The following NUDT2 variants were observed in gnomAD, a reference collection of about 807,000 sequenced individuals.
NUDT2 encodes bis(5'-nucleosyl)-tetraphosphatase [asymmetrical].
In NUDT2, 12 loss-of-function variants were observed where a neutral mutation model predicts 14.2. That is an observed-to-expected ratio of 0.84 (90% CI 0.54 to 1.37). The LOEUF is 1.37. NUDT2 is among the 40% of genes most tolerant of loss of function. The pLI is 0.00. For synonymous variants in NUDT2, 67 were observed against 67.4 expected, an observed-to-expected ratio of 0.99 and a Z score of 0.03; for missense variants, 167 against 176.7, an observed-to-expected ratio of 0.95 and a Z score of 0.31.
chr9:34,338,327 T>TAAAAATAAAAAAAAAAAAAAAAAA (rs1838147781), intron 2 of NUDT2, among the ~76,000 whole-genome samples: 2 of 33,736 alleles, frequency 5.9e-5, no homozygotes, highest in Non-Finnish European at 9.1e-5. Context: ...ACCCTGTCTC[T>TAAAAATAAAAAAAAAAAAAAAAAA]AAAAAAAAAA....
chr9:34,341,161 TC>T (rs1380421951), intron 4 of NUDT2, among the ~76,000 whole-genome samples: 1 of 152,234 alleles, frequency 6.6e-6, no homozygotes, highest in Non-Finnish European at 1.5e-5. Flanking sequence ...CACACTTGTC[TC>T]CGGATCACAT....
Position 34,340,095 on chromosome 9 carries a change from T to C in NUDT2, c.127+929T>C, listed in dbSNP as rs574365814. 8.5e-5 allele frequency among the ~76,000 whole-genome samples: 13 copies of C among 152,100 alleles called. 2 individuals are homozygous for C. In the South Asian group the frequency reaches 2.7e-3, roughly 32 times the overall value. On this transcript the variant is annotated intron_variant, in intron 4 of 4. Coordinates refer to ENST00000379158, the MANE Select transcript of NUDT2 (RefSeq NM_001161.5). ...GATTACAGGCGCCCACCACCACGCCTGGCTAATTTTTTGTATTTTTAGTAG... is the reference window on the plus strand; with the variant it reads ...GATTACAGGCGCCCACCACCACGCCCGGCTAATTTTTTGTATTTTTAGTAG...
At chr9:34,334,875 A>G (rs1391715244) in intron 1 of NUDT2, among the ~76,000 whole-genome samples, 1 of 152,224 alleles carries the variant, frequency 6.6e-6, no homozygotes, top group Non-Finnish European at 1.5e-5. Context: ...GGTTGTCCAC[A>G]AGAAAATTTC....
At chr9:34,334,886 G>A (rs1031369127) in intron 1 of NUDT2, among the ~76,000 whole-genome samples, 5 of 152,150 alleles carry the variant, frequency 3.3e-5, no homozygotes, top group Non-Finnish European at 5.9e-5. Context: ...AGAAAATTTC[G>A]TGAGAGATTT....
intron 1 of NUDT2, among the ~76,000 whole-genome samples, chr9:34,330,690 G>T (rs1374527188): frequency 6.6e-6 from 1 of 152,172 alleles, no homozygotes; most frequent in African/African-American, 2.4e-5. Flanking sequence ...GGCCGGGCGC[G>T]GTGGCTCACG....
intron 2 of NUDT2, among the ~76,000 whole-genome samples, chr9:34,337,465 G>A (rs1440628030): frequency 2.0e-5 from 3 of 152,204 alleles, no homozygotes; most frequent in South Asian, 4.1e-4. Flanking sequence ...TGAGAGCACA[G>A]ACCATTTCAG....
chr9:34,340,386 G>T (rs1263842252), intron 4 of NUDT2, among the ~76,000 whole-genome samples: 2 of 112,070 alleles, frequency 1.8e-5, no homozygotes. Flanking sequence ...GAGGAGATGG[G>T]CAGGGCCTTC....
chr9:34,336,306 A>C lies in NUDT2; in HGVS notation c.-187A>C, dbSNP rs543332479. 2.0e-5 allele frequency: 3 copies of C among 152,298 alleles called. No homozygotes were observed. The highest frequency in any genetic ancestry group is 6.5e-5 in the Admixed American group (1 of 15,300). 9.4% of individuals were successfully genotyped at this position (152,298 alleles called of 1,614,324 possible). On this transcript the variant is annotated 5_prime_UTR_variant, in exon 2 of 5. Coordinates refer to ENST00000379158, the MANE Select transcript of NUDT2 (RefSeq NM_001161.5). ...TGAGATCTTTGTTCACCAGTTCTAC[A>C]GTGATGGGGTGCTTCCTTTTGGCTT... is the stretch of plus-strand genomic sequence containing the variant.
Position 34,338,963 on chromosome 9 carries a change from C to A in NUDT2, c.-16-61C>A, listed in dbSNP as rs1838167202. 4.8e-6 allele frequency: 7 copies of A among 1,443,554 alleles called. No individual in the cohort carries two copies. The South Asian group carries it at 8.6e-5, about 18-fold the overall frequency. 89.4% of individuals were successfully genotyped at this position (1,443,554 alleles called of 1,614,324 possible). ...TACTGTCCATCACCAGATTGCTACC[C>A]CCCAGTATGGAGCTTCCTATTTTGT... On this transcript the variant is annotated intron_variant, in intron 3 of 4. Coordinates refer to ENST00000379158, the MANE Select transcript of NUDT2 (RefSeq NM_001161.5).
chr9:34,330,857 A>T (rs1837903918), intron 1 of NUDT2, among the ~76,000 whole-genome samples: 1 of 152,018 alleles, frequency 6.6e-6, no homozygotes, highest in Non-Finnish European at 1.5e-5. Flanking sequence ...GCTACTCGGG[A>T]GGCTGAGGCA....
Position 34,343,238 on chromosome 9 carries a change from A to C in NUDT2, c.242A>C (p.Asn81Thr), listed in dbSNP as rs1467684298. ...ATTGAGGGGTTCAAAAGGGAACTCAATTATGTGGCCAGGAACAAGCCTAAA... is the reference window on the plus strand; with the variant it reads ...ATTGAGGGGTTCAAAAGGGAACTCACTTATGTGGCCAGGAACAAGCCTAAA... ...TIIEGFKREL[N>T]YVARNKPKTV... The change falls in exon 5 of 5, where the codon AAT becomes ACT. Residue 81 changes from asparagine (N) to threonine (T), a missense_variant. Coordinates refer to ENST00000379158, the MANE Select transcript of NUDT2 (RefSeq NM_001161.5). 6.2e-7 allele frequency: 1 copy of C among 1,613,886 alleles called. No individual in the cohort carries two copies. Among genetic ancestry groups the C allele is most frequent in the East Asian group, 2.2e-5 (1 of 44,864 alleles).
chr9:34,341,756 C>T (rs892982352), intron 4 of NUDT2, among the ~76,000 whole-genome samples: 7 of 152,186 alleles, frequency 4.6e-5, no homozygotes, highest in African/African-American at 1.7e-4. Flanking sequence ...ATGATCCACC[C>T]GCCTCGGCCT....
intron 2 of NUDT2, among the ~76,000 whole-genome samples, chr9:34,338,247 C>A (rs1320789772): frequency 8.0e-6 from 1 of 125,150 alleles, no homozygotes; most frequent in African/African-American, 3.0e-5. Flanking sequence ...AATCCCAACA[C>A]ATTGGGAGGC....
At chr9:34,341,582 T>C (rs1820188620) in intron 4 of NUDT2, among the ~76,000 whole-genome samples, 3 of 152,298 alleles carry the variant, frequency 2.0e-5, no homozygotes, top group Admixed American at 1.3e-4. Context: ...CAATCTTGGC[T>C]CGCTGCAACC....
chr9:34,338,326 C>CAAAAAAA, intron 2 of NUDT2, among the ~76,000 whole-genome samples: 1 of 10,408 alleles, frequency 9.6e-5, no homozygotes, highest in Non-Finnish European at 3.0e-4. Flanking sequence ...GACCCTGTCT[C>CAAAAAAA]TAAAAAAAAA....
chr9:34,340,388 A>C (rs1462709982), intron 4 of NUDT2, among the ~76,000 whole-genome samples: 1 of 112,120 alleles, frequency 8.9e-6, no homozygotes, highest in East Asian at 3.6e-4. Flanking sequence ...GGAGATGGGC[A>C]GGGCCTTCTT....
chr9:34,342,292 G>A (rs1295727305), intron 4 of NUDT2, among the ~76,000 whole-genome samples: 1 of 152,192 alleles, frequency 6.6e-6, no homozygotes. Flanking sequence ...TCATTCAGCC[G>A]TGCAGGGTTT....
intron 2 of NUDT2, among the ~76,000 whole-genome samples, chr9:34,336,805 G>A (rs1039614667): frequency 6.6e-6 from 1 of 151,476 alleles, no homozygotes; most frequent in Admixed American, 6.6e-5. Context: ...CAGCCTCCCA[G>A]AATGCTGGGA....
At chr9:34,340,480 C>T (rs1838203656) in intron 4 of NUDT2, among the ~76,000 whole-genome samples, 1 of 152,184 alleles carries the variant, frequency 6.6e-6, no homozygotes, top group Non-Finnish European at 1.5e-5. Context: ...CAGCTAGCTA[C>T]CTGTGCCTTG....
Sources: gnomAD v4.1 joint callset for allele counts (sites outside exome capture counted in the v4.1 genomes callset) on GRCh38, gnomAD v4.1.1 for gene constraint, MANE v1.5 for transcripts, NCBI Gene and HGNC (gene_info 2026-07-23, HGNC 2026-07-21) for gene names.